The following CLEC2D variants were observed in gnomAD, a reference collection of about 807,000 sequenced individuals.
The protein encoded by CLEC2D is C-type lectin related f.
In CLEC2D, 16 loss-of-function variants were observed where a neutral mutation model predicts 20.0. The ratio of observed to expected loss-of-function variants is 0.80; its 90% CI spans 0.54 to 1.22. The LOEUF is 1.22. CLEC2D is among the 50% of genes most tolerant of loss of function. CLEC2D has a pLI of 0.00. For missense variants in CLEC2D, 207 were observed against 221.5 expected, an observed-to-expected ratio of 0.93 and a Z score of 0.42; for synonymous variants, 77 against 71.1, an observed-to-expected ratio of 1.08 and a Z score of -0.42.
intron 1 of CLEC2D, among the ~76,000 whole-genome samples, chr12:9,673,096 T>A (rs1193951418): frequency 6.6e-6 from 1 of 152,234 alleles, no homozygotes; most frequent in African/African-American, 2.4e-5. Context: ...AGCCTTGTTC[T>A]GTGCCCTCAC....
intron 2 of CLEC2D, among the ~76,000 whole-genome samples, chr12:9,687,442 C>T (rs11052423): frequency 0.28 from 42,293 of 152,162 alleles, 6,489 homozygotes; most frequent in Middle Eastern, 0.41. Flanking sequence ...TTCACTTACT[C>T]ATTCGCTGCT....
intron 2 of CLEC2D, among the ~76,000 whole-genome samples, chr12:9,682,524 C>T (rs959370219): frequency 2.6e-5 from 4 of 152,128 alleles, no homozygotes; most frequent in South Asian, 2.1e-4. Context: ...CCGTTGCCCC[C>T]CAACCCTCAA....
chr12:9,697,436 A>G lies in CLEC2D; in HGVS notation c.*2562A>G, dbSNP rs1866023032. The G allele has an allele frequency of 6.6e-6, 1 of 152,200 alleles. No homozygotes were observed. Among genetic ancestry groups the G allele is most frequent in the Non-Finnish European group, 1.5e-5 (1 of 68,036 alleles). 9.4% of individuals were successfully genotyped at this position (152,200 alleles called of 1,614,324 possible). On this transcript the variant is annotated 3_prime_UTR_variant, in exon 5 of 5. Transcript: ENST00000290855. Reference sequence around the variant, plus strand: ...ATTTAATATCTATAGAAACAATGCTAATGACTGGCTTGCTGTTAATAAATA... The same window carrying G: ...ATTTAATATCTATAGAAACAATGCTGATGACTGGCTTGCTGTTAATAAATA...
chr12:9,680,831 A>G, intron 1 of CLEC2D, 92 bp from the exon 2 acceptor site: 2 of 652,850 alleles, frequency 3.1e-6, no homozygotes, highest in Non-Finnish European at 5.4e-6. Context: ...AAGCGAAGGA[A>G]TTAAATAAAA....
chr12:9,674,903 C>T (rs1865491539), intron 1 of CLEC2D, among the ~76,000 whole-genome samples: 1 of 152,018 alleles, frequency 6.6e-6, no homozygotes, highest in Admixed American at 6.5e-5. Flanking sequence ...GTTATCTAGG[C>T]TTTCTCTTAT....
chr12:9,686,025 C>T (rs758207227), intron 2 of CLEC2D, among the ~76,000 whole-genome samples: 2 of 151,996 alleles, frequency 1.3e-5, no homozygotes, highest in Non-Finnish European at 2.9e-5. Context: ...TTGCAAAAAC[C>T]GTGGGAAAAG....
At chr12:9,679,853 C>A (rs1411721489) in intron 1 of CLEC2D, among the ~76,000 whole-genome samples, 1 of 152,262 alleles carries the variant, frequency 6.6e-6, no homozygotes, top group East Asian at 1.9e-4. Flanking sequence ...GAGATTGTGT[C>A]AGAACAGGGT....
intron 4 of CLEC2D, 57 bp downstream of exon 4, chr12:9,692,988 C>G: frequency 6.3e-7 from 1 of 1,595,852 alleles, no homozygotes; most frequent in Non-Finnish European, 8.6e-7. Flanking sequence ...TGCATTAAAT[C>G]TGAAGTGTTC....
At chr12:9,693,739 T>C in intron 4 of CLEC2D, 1 of 408,846 alleles carries the variant, frequency 2.4e-6, no homozygotes, top group Admixed American at 2.8e-5. Context: ...TAGAATTAAC[T>C]TTTATTTCTT....
intron 3 of CLEC2D, among the ~76,000 whole-genome samples, chr12:9,689,840 G>T (rs1865826285): frequency 6.6e-6 from 1 of 151,988 alleles, no homozygotes; most frequent in African/African-American, 2.4e-5. Flanking sequence ...GAAAAAGAAT[G>T]AAGATAAATA....
chr12:9,674,472 C>A (rs768025390), intron 1 of CLEC2D, among the ~76,000 whole-genome samples: 9 of 152,198 alleles, frequency 5.9e-5, no homozygotes, highest in Non-Finnish European at 1.0e-4. Context: ...GATGGAGATG[C>A]AGAATTCACC....
chr12:9,690,433 A>G (rs1865839030), intron 3 of CLEC2D, among the ~76,000 whole-genome samples: 2 of 152,122 alleles, frequency 1.3e-5, no homozygotes, highest in Non-Finnish European at 2.9e-5. Context: ...AAGAATATTC[A>G]TAAAAGTAAC....
At chr12:9,689,555 G>C (rs1393697114) in intron 3 of CLEC2D, among the ~76,000 whole-genome samples, 1 of 152,094 alleles carries the variant, frequency 6.6e-6, no homozygotes, top group Non-Finnish European at 1.5e-5. Flanking sequence ...TGTTAAATCA[G>C]CTGTCTTAAG....
chr12:9,698,704 A>G lies in CLEC2D; in HGVS notation c.*3830A>G, dbSNP rs963405571. ...TTCTGCACAGCAAAGGAAATAATTA[A>G]TGGAGTAAAGAGACAACTTACAGAT... is the stretch of plus-strand genomic sequence containing the variant. On this transcript the variant is annotated 3_prime_UTR_variant, in exon 5 of 5. Transcript: ENST00000290855. The G allele has an allele frequency of 6.6e-6, 1 of 152,226 alleles. No homozygotes were observed. The highest frequency in any genetic ancestry group is 1.5e-5 in the Non-Finnish European group (1 of 68,030). 9.4% of individuals were successfully genotyped at this position (152,226 alleles called of 1,614,324 possible). A position where few individuals can be genotyped will look rare whatever the true frequency, so the allele number is the denominator to read the frequency against.
intron 3 of CLEC2D, chr12:9,688,311 C>T (rs761228054): frequency 6.5e-5 from 54 of 825,612 alleles, no homozygotes; most frequent in Non-Finnish European, 8.1e-5. Flanking sequence ...AGAGGGCAAG[C>T]AAGCCAGAGC....
chr12:9,677,288 A>C (rs1304073829), intron 1 of CLEC2D, among the ~76,000 whole-genome samples: 2 of 152,076 alleles, frequency 1.3e-5, no homozygotes, highest in Non-Finnish European at 2.9e-5. Context: ...ACTGCATCCC[A>C]CAAATTTTGT....
At chr12:9,678,515 T>C (rs1257458030) in intron 1 of CLEC2D, among the ~76,000 whole-genome samples, 1 of 152,102 alleles carries the variant, frequency 6.6e-6, no homozygotes, top group Non-Finnish European at 1.5e-5. Context: ...TTTGTTGCCT[T>C]TGTTCTTTGT....
intron 1 of CLEC2D, among the ~76,000 whole-genome samples, chr12:9,675,029 G>C (rs1487201075): frequency 6.6e-6 from 1 of 152,126 alleles, no homozygotes; most frequent in Non-Finnish European, 1.5e-5. Flanking sequence ...TTGTATGTGG[G>C]TGTCTAGTTA....
chr12:9,688,240 G>C, intron 3 of CLEC2D, 154 bp downstream of exon 3: 1 of 1,225,488 alleles, frequency 8.2e-7, no homozygotes, highest in Non-Finnish European at 1.0e-6. Context: ...AACCTAGCAT[G>C]TATTATATTT....
Sources: gnomAD v4.1 joint callset for allele counts (sites outside exome capture counted in the v4.1 genomes callset) on GRCh38, gnomAD v4.1.1 for gene constraint, MANE v1.5 for transcripts, NCBI Gene and HGNC (gene_info 2026-07-23, HGNC 2026-07-21) for gene names.